The following MOGAT1 variants were observed in gnomAD, a reference collection of about 807,000 sequenced individuals.
MOGAT1 encodes the protein monoacylglycerol O-acyltransferase 1, also known as 2-acylglycerol O-acyltransferase 1.
MOGAT1 carries 32 observed loss-of-function variants against 31.4 expected under a neutral mutation model. The observed-to-expected ratio is 1.02, with a 90% CI of 0.77 to 1.37. The LOEUF is 1.37. MOGAT1 is among the 40% of genes most tolerant of loss of function. The probability of loss-of-function intolerance (pLI) is 0.00; values close to 1 mark genes in which losing one functional copy is unlikely to be tolerated. For synonymous variants in MOGAT1, 145 were observed against 144.5 expected, an observed-to-expected ratio of 1.00 and a Z score of -0.03; for missense variants, 426 against 402.0, an observed-to-expected ratio of 1.06 and a Z score of -0.51.
chr2:222,701,000 A>G (rs1444328765), intron 5 of MOGAT1, among the ~76,000 whole-genome samples: 1 of 152,216 alleles, frequency 6.6e-6, no homozygotes, highest in Non-Finnish European at 1.5e-5. Context: ...GTCATAAGAT[A>G]AACATCAACT....
At chr2:222,686,183 A>C (rs1692665450) in intron 1 of MOGAT1, among the ~76,000 whole-genome samples, 1 of 152,178 alleles carries the variant, frequency 6.6e-6, no homozygotes, top group Admixed American at 6.5e-5. Context: ...CAGTGTTATT[A>C]CCATTAGCTG....
At chr2:222,691,582 C>T (rs116514478) in intron 3 of MOGAT1, among the ~76,000 whole-genome samples, 21 of 152,182 alleles carry the variant, frequency 1.4e-4, no homozygotes, top group Non-Finnish European at 2.8e-4. Context: ...AATAGAAATA[C>T]TCAAACTTTC....
intron 5 of MOGAT1, among the ~76,000 whole-genome samples, chr2:222,705,258 A>C (rs1398574313): frequency 6.6e-6 from 1 of 152,100 alleles, no homozygotes; most frequent in Non-Finnish European, 1.5e-5. Flanking sequence ...AACCTGTTTT[A>C]TCAGCAAGGT....
intron 1 of MOGAT1, chr2:222,677,799 A>C (rs545638257): frequency 5.4e-4 from 160 of 296,122 alleles, no homozygotes; most frequent in Non-Finnish European, 9.4e-4. Context: ...CTTAATCTAC[A>C]TTCATTCTAA....
At position 222,689,338 on chromosome 2, in the gene MOGAT1, T is replaced by C. The variant is rs780124240; in HGVS notation, c.347T>C (p.Val116Ala). The change falls in exon 3 of 6, where the codon GTT becomes GCT. Residue 116 changes from valine to alanine, a missense_variant. Val to Ala is a moderately conservative substitution (Grantham distance 64). Transcript: ENST00000446656. ...TTTCACCCCCATGGAATAATGGCAGTTGGAGCCTTTGGGAATTTTTCTGTA... is the reference window on the plus strand; with the variant it reads ...TTTCACCCCCATGGAATAATGGCAGCTGGAGCCTTTGGGAATTTTTCTGTA... ...FGFHPHGIMAVGAFGNFSVNY... is the reference protein window; with the variant it reads ...FGFHPHGIMAAGAFGNFSVNY... 2 of 1,613,852 alleles carry C rather than the reference T, an allele frequency of 1.2e-6. No homozygotes were observed. The highest frequency in any genetic ancestry group is 1.7e-5 in the Admixed American group (1 of 60,036).
chr2:222,703,830 ATT>A (rs5838960), intron 5 of MOGAT1, among the ~76,000 whole-genome samples: 35 of 150,572 alleles, frequency 2.3e-4, no homozygotes, highest in East Asian at 7.8e-4. Flanking sequence ...TAAAACAAAG[ATT>A]TTTTTTTTTC....
intron 1 of MOGAT1, chr2:222,677,774 C>T: frequency 3.1e-6 from 1 of 320,920 alleles, no homozygotes; most frequent in South Asian, 3.4e-5. Flanking sequence ...ATAACTTGGA[C>T]AAGTTAATGG....
intron 1 of MOGAT1, among the ~76,000 whole-genome samples, chr2:222,685,524 A>C (rs887689127): frequency 2.0e-5 from 3 of 151,936 alleles, no homozygotes; most frequent in Admixed American, 6.6e-5. Context: ...CATTAAAGAG[A>C]TATGCAGCAT....
At chr2:222,677,185 CT>C (rs1003323143) in intron 1 of MOGAT1, among the ~76,000 whole-genome samples, 2 of 152,288 alleles carry the variant, frequency 1.3e-5, no homozygotes, top group African/African-American at 2.4e-5. Context: ...ATAGTTTCCA[CT>C]TTTTATGTTT....
intron 1 of MOGAT1, among the ~76,000 whole-genome samples, chr2:222,686,707 A>C (rs1480658735): frequency 1.3e-5 from 2 of 152,224 alleles, no homozygotes; most frequent in Non-Finnish European, 1.5e-5. Flanking sequence ...ATGCTACCTT[A>C]ACCTTTCATC....
At chr2:222,686,576 T>C (rs1692672333) in intron 1 of MOGAT1, among the ~76,000 whole-genome samples, 1 of 152,036 alleles carries the variant, frequency 6.6e-6, no homozygotes, top group Non-Finnish European at 1.5e-5. Context: ...GGAAGCAAAA[T>C]GGAATGATCC....
intron 1 of MOGAT1, among the ~76,000 whole-genome samples, chr2:222,672,733 T>C (rs1455850756): frequency 6.6e-6 from 1 of 151,950 alleles, no homozygotes; most frequent in Non-Finnish European, 1.5e-5. Context: ...GTGGTAATAA[T>C]AGTAATAAGC....
intron 1 of MOGAT1, among the ~76,000 whole-genome samples, chr2:222,679,532 C>CT (rs1692548560): frequency 6.6e-6 from 1 of 152,152 alleles, no homozygotes; most frequent in Non-Finnish European, 1.5e-5. Context: ...TACATATGTC[C>CT]TAAAACCAAG....
chr2:222,688,287 A>G, intron 1 of MOGAT1, 57 bp from the exon 2 acceptor site: 5 of 1,410,558 alleles, frequency 3.5e-6, no homozygotes, highest in Admixed American at 2.4e-5. Flanking sequence ...GCCATGGGCC[A>G]CTGCAGTGAG....
intron 5 of MOGAT1, among the ~76,000 whole-genome samples, chr2:222,698,268 CA>C (rs1374326026): frequency 6.6e-6 from 1 of 152,194 alleles, no homozygotes; most frequent in East Asian, 1.9e-4. Flanking sequence ...TCCTTTACTT[CA>C]AAAAGTTTCT....
chr2:222,683,040 C>A (rs1423204047), intron 1 of MOGAT1, among the ~76,000 whole-genome samples: 3 of 151,908 alleles, frequency 2.0e-5, no homozygotes, highest in African/African-American at 4.8e-5. Flanking sequence ...CCTATCTTTA[C>A]AAAAACTACA....
chr2:222,690,256 A>G (rs1329558484), intron 3 of MOGAT1, among the ~76,000 whole-genome samples: 5 of 152,312 alleles, frequency 3.3e-5, no homozygotes, highest in African/African-American at 1.2e-4. Context: ...CCCAATCACA[A>G]TTAAAAAAAT....
At chr2:222,709,508 C>T (rs1693080386) in intron 5 of MOGAT1, among the ~76,000 whole-genome samples, 1 of 152,198 alleles carries the variant, frequency 6.6e-6, no homozygotes, top group Non-Finnish European at 1.5e-5. Context: ...AAGTCAAAAC[C>T]ACCAGGGTCC....
chr2:222,673,404 G>A (rs578224297), intron 1 of MOGAT1, among the ~76,000 whole-genome samples: 216 of 151,614 alleles, frequency 1.4e-3, no homozygotes, highest in African/African-American at 5.0e-3. Context: ...AGGCAGGGTT[G>A]CTCTGGATCA....
Sources: allele counts gnomAD v4.1 joint callset (sites outside exome capture counted in the v4.1 genomes callset), GRCh38; gene constraint gnomAD v4.1.1; transcripts MANE v1.5; gene names NCBI Gene and HGNC (gene_info 2026-07-23, HGNC 2026-07-21).